MIR17HG: variants seen among roughly 807,000 people sequenced by gnomAD.
The protein encoded by MIR17HG is MIR17 host gene (non-protein coding).
exon 4 of MIR17HG, chr13:91,354,408 G>T (rs1448578388): frequency 1.3e-5 from 2 of 152,174 alleles, no homozygotes; most frequent in African/African-American, 4.8e-5. Context: ...TTCTTATCCA[G>T]TAATGTAAAC....
intron 3 of MIR17HG, chr13:91,350,352 C>G: frequency 3.4e-6 from 1 of 293,272 alleles, no homozygotes; most frequent in Non-Finnish European, 6.8e-6. Context: ...ATTGGAAGAG[C>G]CACCACTTCC....
chr13:91,348,351 T>G (rs1875075822), intron 1 of MIR17HG, among the ~76,000 whole-genome samples: 1 of 149,232 alleles, frequency 6.7e-6, no homozygotes, highest in South Asian at 2.1e-4. Flanking sequence ...GCGCGGGGCG[T>G]GGGGTCTCTG....
rs550437759 is a variant in MIR17HG, at chr13:91,348,503, G to A, written n.140+544G>A. Among the ~76,000 whole-genome samples the A allele has an allele frequency of 3.9e-3, 586 of 151,480 alleles. 7 individuals are homozygous for A. The highest frequency in any genetic ancestry group is 0.014 in the African/African-American group (563 of 41,458). On this transcript the variant is annotated intron_variant and non_coding_transcript_variant, in intron 1 of 3. Transcript: ENST00000400282. Reference sequence around the variant, plus strand: ...CGCGCCAGCGGGCGGCGTGGCGTGGGCGGGAGCCCGCGGTTCCCCAAACTT... The same window carrying A: ...CGCGCCAGCGGGCGGCGTGGCGTGGACGGGAGCCCGCGGTTCCCCAAACTT...
exon 4 of MIR17HG, chr13:91,354,081 A>G (rs1005301690): frequency 1.3e-5 from 2 of 152,484 alleles, no homozygotes; most frequent in Non-Finnish European, 2.9e-5. Flanking sequence ...ACACTGTTTA[A>G]TTGACAGTTT....
chr13:91,350,310 CTA>C (rs1193763122), intron 3 of MIR17HG: 4 of 225,548 alleles, frequency 1.8e-5, no homozygotes, highest in South Asian at 6.1e-5. Context: ...TTTTTTTTCT[CTA>C]TGTGTCAATC....
chr13:91,352,864 T>G (rs113242099), intron 3 of MIR17HG, among the ~76,000 whole-genome samples: 9,714 of 152,018 alleles, frequency 0.064, 428 homozygotes, highest in Middle Eastern at 0.11. Flanking sequence ...ATCCTAGCAC[T>G]TGGGGAGGCT....
intron 3 of MIR17HG, chr13:91,350,597 T>G (rs1358070786): frequency 5.6e-6 from 3 of 534,142 alleles, no homozygotes; most frequent in Non-Finnish European, 1.2e-5. Flanking sequence ...AACTGAAGAT[T>G]GTGACCAGTC....
intron 1 of MIR17HG, among the ~76,000 whole-genome samples, chr13:91,348,744 G>T (rs569453652): frequency 2.2e-4 from 33 of 150,582 alleles, no homozygotes; most frequent in African/African-American, 7.0e-4. Flanking sequence ...GGGAGGGCCA[G>T]CCCGGCTCGG....
intron 3 of MIR17HG, among the ~76,000 whole-genome samples, chr13:91,352,727 C>T (rs1376489948): frequency 6.6e-6 from 1 of 152,106 alleles, no homozygotes; most frequent in Non-Finnish European, 1.5e-5. Flanking sequence ...TGTACATTAG[C>T]AGAGTTCTTA....
chr13:91,348,929 G>C (rs867659937), intron 1 of MIR17HG, among the ~76,000 whole-genome samples: 1 of 149,392 alleles, frequency 6.7e-6, no homozygotes, highest in East Asian at 2.0e-4. Flanking sequence ...GGCTCGGGGG[G>C]GCTGGGGGAC....
chr13:91,352,796 C>T (rs748720802), intron 3 of MIR17HG, among the ~76,000 whole-genome samples: 9 of 152,026 alleles, frequency 5.9e-5, no homozygotes, highest in Non-Finnish European at 8.8e-5. Context: ...TAGTGACAAA[C>T]GTGGCTTTCA....
At chr13:91,351,459 G>A (rs1875310475) in intron 3 of MIR17HG, 6 of 477,454 alleles carry the variant, frequency 1.3e-5, no homozygotes, top group South Asian at 3.0e-5. Context: ...ACTGTTAAAT[G>A]TACAAGATAC....
chr13:91,350,739 T>C (rs756164949), intron 3 of MIR17HG: 1 of 534,144 alleles, frequency 1.9e-6, no homozygotes, highest in Non-Finnish European at 3.9e-6. Flanking sequence ...CCTGCTGATG[T>C]TGAGTGCTTT....
intron 1 of MIR17HG, among the ~76,000 whole-genome samples, chr13:91,348,528 T>A (rs1420872991): frequency 6.6e-6 from 1 of 150,840 alleles, no homozygotes; most frequent in African/African-American, 2.4e-5. Flanking sequence ...TCCCCAAACT[T>A]TGTACGCGCG....
chr13:91,348,660 C>T (rs942807927), intron 1 of MIR17HG, among the ~76,000 whole-genome samples: 1 of 150,744 alleles, frequency 6.6e-6, no homozygotes, highest in Non-Finnish European at 1.5e-5. Flanking sequence ...CCGTGGCCCT[C>T]GGAGGAGGCC....
chr13:91,348,423 G>C (rs1378729928), intron 1 of MIR17HG, among the ~76,000 whole-genome samples: 1 of 150,910 alleles, frequency 6.6e-6, no homozygotes, highest in Non-Finnish European at 1.5e-5. Context: ...CGGCGGCGGC[G>C]GCGGCACATG....
At chr13:91,354,037 G>C (rs933896116) in exon 4 of MIR17HG, 1 of 152,608 alleles carries the variant, frequency 6.6e-6, no homozygotes, top group Admixed American at 6.5e-5. Flanking sequence ...GAACAACTCA[G>C]TGTCACATTA....
intron 3 of MIR17HG, chr13:91,351,346 T>C (rs1418785003): frequency 1.9e-6 from 1 of 531,188 alleles, no homozygotes; most frequent in Non-Finnish European, 3.9e-6. Context: ...GTTGCAATGC[T>C]GTGTTTCTGT....
chr13:91,349,624 T>C (rs1053377405), intron 1 of MIR17HG: 1 of 152,194 alleles, frequency 6.6e-6, no homozygotes, highest in African/African-American at 2.4e-5. Flanking sequence ...ATAGCAAATA[T>C]AGATTTGGAC....
Sources: allele counts gnomAD v4.1 joint callset (sites outside exome capture counted in the v4.1 genomes callset), GRCh38; gene constraint gnomAD v4.1.1; transcripts MANE v1.5; gene names NCBI Gene and HGNC (gene_info 2026-07-23, HGNC 2026-07-21).